The following WDR81 variants were observed in gnomAD, a reference collection of about 807,000 sequenced individuals.
The protein encoded by WDR81 is WD repeat-containing protein 81.
Under a neutral mutation model 140.8 loss-of-function variants are expected in WDR81, and 92 were observed. That is an observed-to-expected ratio of 0.65 (90% CI 0.55 to 0.78). WDR81 has a LOEUF of 0.78. Ranked by LOEUF, WDR81 falls within the 30% of genes least tolerant of loss-of-function variation. The pLI, the probability that WDR81 is intolerant of heterozygous loss-of-function variation, is 0.00. For synonymous variants in WDR81, 1,183 were observed against 1,156.4 expected, an observed-to-expected ratio of 1.02 and a Z score of -0.47; for missense variants, 2,502 against 2,636.4, an observed-to-expected ratio of 0.95 and a Z score of 1.12.
exon 1 of WDR81, chr17:1,716,561 C>A: frequency 6.4e-7 from 1 of 1,551,312 alleles, no homozygotes; most frequent in South Asian, 1.2e-5. Context: ...GCCACGGCGT[C>A]TGCGTTTGCA....
At position 1,730,479 on chromosome 17, in the gene WDR81, G is replaced by T; in HGVS notation, c.3767G>T (p.Cys1256Phe). ...AACCTGCTCCGCCTGCTGACGTCTTGTTATGTTGGTAAGGAGGCCTGCGGT... is the reference window on the plus strand; with the variant it reads ...AACCTGCTCCGCCTGCTGACGTCTTTTTATGTTGGTAAGGAGGCCTGCGGT... ...ARNLLRLLTS[C>F]YVGPTRQQFT... Residue 1256 changes from cysteine to phenylalanine, a missense_variant, in exon 2 of 10, where the codon TGT becomes TTT. By Grantham distance (205) the Cys-to-Phe change is radical. This residue lies in a region of WDR81 where 1,737 missense variants were observed against 1,843.0 expected (regional missense o/e 0.94). Coordinates refer to ENST00000409644, the MANE Select transcript of WDR81 (RefSeq NM_001163809.2). The T allele has an allele frequency of 6.2e-7, 1 of 1,612,966 alleles. No homozygotes were observed. Among genetic ancestry groups the T allele is most frequent in the Non-Finnish European group, 8.5e-7 (1 of 1,179,784 alleles).
chr17:1,724,357 C>G (rs1915062597), upstream of WDR81, among the ~76,000 whole-genome samples: 1 of 152,236 alleles, frequency 6.6e-6, no homozygotes, highest in Admixed American at 6.5e-5. Flanking sequence ...GAGCAAGACT[C>G]CGTCTCAAAA....
Position 1,724,720 on chromosome 17 carries a change from T to C in WDR81, c.-240T>C, listed in dbSNP as rs963746093. 1.2e-4 allele frequency: 131 copies of C among 1,096,392 alleles called. No individual in the cohort carries two copies. In the African/African-American group the frequency reaches 2.1e-3, roughly 17 times the overall value. The allele number at this position is 1,096,392 out of a possible 1,614,324, so 67.9% of individuals were successfully genotyped here. On this transcript the variant is annotated 5_prime_UTR_variant, in exon 1 of 10. Transcript: ENST00000409644. ...ACCCGCGTCAGCTGACCCGTCACGG[T>C]GGAGCCCGGTGCTCGCGCCCGGCAG...
chr17:1,734,370 G>A (rs1258697589), intron 7 of WDR81, 154 bp downstream of exon 7: 1 of 490,790 alleles, frequency 2.0e-6, no homozygotes, highest in Non-Finnish European at 2.6e-6. Flanking sequence ...GAATCTGTTA[G>A]ACTTGAGTCT....
intron 1 of WDR81, among the ~76,000 whole-genome samples, chr17:1,717,767 C>A (rs773546415): frequency 3.3e-5 from 5 of 152,170 alleles, no homozygotes; most frequent in African/African-American, 4.8e-5. Flanking sequence ...TCCCCCAACC[C>A]CAACCCCGCT....
In WDR81 at chr17:1,724,804, C is replaced by T. The variant is rs938045374; in HGVS notation, c.-156C>T. 8.4e-7 allele frequency: 1 copy of T among 1,193,050 alleles called. No individual in the cohort carries two copies. The allele number at this position is 1,193,050 out of a possible 1,614,324, so 73.9% of individuals were successfully genotyped here. On this transcript the variant is annotated 5_prime_UTR_variant, in exon 1 of 10. Coordinates refer to ENST00000409644, the MANE Select transcript of WDR81 (RefSeq NM_001163809.2). ...GCGGAGGGGTAAGCGCGCCCCCCGT[C>T]CGCCTCTTCGCCGCCGCCGGCTTCC...
intron 1 of WDR81, among the ~76,000 whole-genome samples, chr17:1,729,812 C>T (rs773806343): frequency 6.6e-6 from 1 of 151,660 alleles, no homozygotes; most frequent in Non-Finnish European, 1.5e-5. Context: ...AATACAAAAA[C>T]TTAGCTGGGC....
Position 1,727,276 on chromosome 17 carries a change from G to T in WDR81, c.2317G>T (p.Ala773Ser). 1.3e-6 allele frequency: 2 copies of T among 1,550,242 alleles called. No individual in the cohort carries two copies. The highest frequency in any genetic ancestry group is 1.7e-6 in the Non-Finnish European group (2 of 1,146,960). Reference sequence around the variant, plus strand: ...GTGCCTACTCCACAGGGACATGCAGGCGCTGGGTGTCCTATTGGCAGAGAT... The same window carrying T: ...GTGCCTACTCCACAGGGACATGCAGTCGCTGGGTGTCCTATTGGCAGAGAT... ...LQCLLHRDMQ[A>S]LGVLLAEMVF... Residue 773 changes from alanine (A) to serine (S), a missense_variant, in exon 1 of 10, where the codon GCG becomes TCG. Around this residue, in one of 3 missense-constraint regions of WDR81, gnomAD observed 1,737 missense variants for 1,843.0 expected, o/e 0.94. Transcript: ENST00000409644.
chr17:1,726,455 C>T lies in WDR81; in HGVS notation c.1496C>T (p.Pro499Leu), dbSNP rs1915278796. Reference protein sequence around the residue: ...DECIPEFYTDPSIFRSIHPDM... With the variant: ...DECIPEFYTDLSIFRSIHPDM... ...TGCATTCCGGAGTTCTACACCGATC[C>T]CTCTATCTTCCGCTCCATCCACCCC... The change falls in exon 1 of 10, where the codon CCC becomes CTC. Residue 499 changes from proline (P) to leucine (L), a missense_variant. Coordinates refer to ENST00000409644, the MANE Select transcript of WDR81 (RefSeq NM_001163809.2). The T allele has an allele frequency of 6.5e-7, 1 of 1,550,360 alleles. No individual in the cohort carries two copies. The highest frequency in any genetic ancestry group is 8.7e-7 in the Non-Finnish European group (1 of 1,147,010).
Position 1,734,001 on chromosome 17 carries a change from C to T in WDR81, c.4964C>T (p.Ala1655Val). The change falls in exon 7 of 10, where the codon GCA becomes GTA. Residue 1655 changes from alanine to valine, a missense_variant. Ala to Val is a moderately conservative substitution (Grantham distance 64, BLOSUM62 0). Transcript: ENST00000409644. ...PGHSGAVKCV[A>V]PLSSEDFFLS... The stretch of plus-strand genomic sequence containing the variant: ...CACTCGGGGGCCGTCAAGTGCGTGG[C>T]ACCCCTAAGCAGCGAGGACTTCTTC... The T allele has an allele frequency of 6.2e-7, 1 of 1,612,778 alleles. No individual in the cohort carries two copies. Among genetic ancestry groups the T allele is most frequent in the Non-Finnish European group, 8.5e-7 (1 of 1,179,978 alleles).
chr17:1,730,517 T>C (rs1915619850), intron 2 of WDR81, 30 bp downstream of exon 2: 2 of 1,592,846 alleles, frequency 1.3e-6, no homozygotes, highest in Non-Finnish European at 1.7e-6. Context: ...GTGCTGGAGA[T>C]GAGGCTTTCT....
chr17:1,738,440 C>A lies in WDR81; in HGVS notation c.*755C>A, dbSNP rs1905071399. The A allele has an allele frequency of 6.5e-6, 1 of 153,080 alleles. No individual in the cohort carries two copies. The highest frequency in any genetic ancestry group is 1.5e-5 in the Non-Finnish European group (1 of 68,592). 9.5% of individuals were successfully genotyped at this position (153,080 alleles called of 1,614,324 possible). A position where few individuals can be genotyped will look rare whatever the true frequency, so the allele number is the denominator to read the frequency against. On this transcript the variant is annotated 3_prime_UTR_variant, in exon 10 of 10. Transcript: ENST00000409644. ...GAAGGGGTGAGAAGAATCATCTCTG[C>A]ACCTCGGGTCTCTGCCAGAGGAAGA...
chr17:1,726,683 T>C lies in WDR81; in HGVS notation c.1724T>C (p.Leu575Pro), dbSNP rs1915297413. The change falls in exon 1 of 10, where the codon CTG becomes CCG. Residue 575 changes from leucine to proline, a missense_variant. By Grantham distance (98) the Leu-to-Pro change is moderately conservative (BLOSUM62 -3). Transcript: ENST00000409644. The part of the protein sequence containing the change: ...CLHLVDAHTH[L>P]ASYGVVQLFD... The stretch of plus-strand genomic sequence containing the variant: ...CACCTGGTGGACGCCCACACTCACC[T>C]GGCCAGCTACGGGGTGGTGCAGCTC... 6.5e-7 allele frequency: 1 copy of C among 1,549,850 alleles called. No homozygotes were observed. The highest frequency in any genetic ancestry group is 2.0e-5 in the Admixed American group (1 of 50,982).
At chr17:1,730,695 GGGC>G (rs1915634471) in intron 2 of WDR81, 57 bp from the exon 3 acceptor site, 2 of 1,539,842 alleles carry the variant, frequency 1.3e-6, no homozygotes, top group Non-Finnish European at 1.7e-6. Flanking sequence ...CAGCCCTGCA[GGGC>G]CAGGCTACCC....
At chr17:1,731,389 G>C (rs1177947118) in intron 4 of WDR81, 131 bp downstream of exon 4, 1 of 1,148,288 alleles carries the variant, frequency 8.7e-7, no homozygotes, top group East Asian at 2.6e-5. Flanking sequence ...GATCCCGGCT[G>C]TGTGACCCTG....
intron 9 of WDR81, 133 bp downstream of exon 9, chr17:1,736,351 G>C (rs866610055): frequency 3.5e-6 from 4 of 1,134,534 alleles, no homozygotes; most frequent in Non-Finnish European, 4.8e-6. Flanking sequence ...AGGACTAACT[G>C]GGCAGGGAGG....
chr17:1,720,864 G>T (rs1046067805), upstream of WDR81, among the ~76,000 whole-genome samples: 1 of 151,972 alleles, frequency 6.6e-6, no homozygotes, highest in African/African-American at 2.4e-5. Context: ...ATCCCAGTGC[G>T]CCAGTTCCCA....
chr17:1,737,851 T>C lies in WDR81; in HGVS notation c.*166T>C. ...GCCTGCAAATGGAGTGGGGGAGTCC[T>C]GGCCCCTGAATCACCAGAGCCACCA... On this transcript the variant is annotated 3_prime_UTR_variant, in exon 10 of 10. Transcript: ENST00000409644. 1 of 882,980 alleles carries C rather than the reference T, an allele frequency of 1.1e-6. No homozygotes were observed. The allele number at this position is 882,980 out of a possible 1,614,324, so 54.7% of individuals were successfully genotyped here.
chr17:1,732,194 A>C, intron 4 of WDR81, 131 bp from the exon 5 acceptor site: 2 of 1,274,448 alleles, frequency 1.6e-6, no homozygotes, highest in South Asian at 3.1e-5. Context: ...CCGAGATCGC[A>C]CCACTGCACT....
Sources: gnomAD v4.1 joint callset for allele counts (sites outside exome capture counted in the v4.1 genomes callset) on GRCh38, gnomAD v4.1.1 for gene constraint, gnomAD v4.1.1 regional missense constraint, MANE v1.5 for transcripts, NCBI Gene and HGNC (gene_info 2026-07-23, HGNC 2026-07-21) for gene names.